Variants in PARVA observed in about 807,000 individuals in gnomAD.
PARVA encodes parvin alpha.
Under a neutral mutation model 52.6 loss-of-function variants are expected in PARVA, and 25 were observed. That is an observed-to-expected ratio of 0.48 (90% confidence interval 0.35 to 0.66). The LOEUF is 0.66. Among genes scored for constraint, PARVA ranks in the 30% least tolerant of loss-of-function variants. PARVA has a pLI of 0.01. For synonymous variants in PARVA, 185 were observed against 179.1 expected, an observed-to-expected ratio of 1.03 and a Z score of -0.26; for missense variants, 373 against 450.9, an observed-to-expected ratio of 0.83 and a Z score of 1.56.
At chr11:12,391,292 T>C (rs1013624915) in intron 1 of PARVA, among the ~76,000 whole-genome samples, 1 of 152,128 alleles carries the variant, frequency 6.6e-6, no homozygotes, top group Non-Finnish European at 1.5e-5. Flanking sequence ...ATTGCTTAAA[T>C]TGGTGTTGGA....
chr11:12,448,492 G>C (rs1940577603), intron 1 of PARVA, among the ~76,000 whole-genome samples: 1 of 152,194 alleles, frequency 6.6e-6, no homozygotes, highest in Non-Finnish European at 1.5e-5. Flanking sequence ...AAGGGTGCTT[G>C]GCAATTCTCT....
chr11:12,388,303 C>T (rs1939608145), intron 1 of PARVA, among the ~76,000 whole-genome samples: 5 of 152,224 alleles, frequency 3.3e-5, no homozygotes, highest in Admixed American at 3.3e-4. Context: ...TCTGGTTCTA[C>T]TAGCATTTAA....
At chr11:12,510,627 C>G (rs184974752) in intron 7 of PARVA, among the ~76,000 whole-genome samples, 1 of 152,256 alleles carries the variant, frequency 6.6e-6, no homozygotes, top group African/African-American at 2.4e-5. Flanking sequence ...GGGGAGGCCT[C>G]AGAATCATGG....
In PARVA at chr11:12,412,800, T is replaced by C. The variant is rs75967742; in HGVS notation, c.136+35017T>C. 2.9e-3 allele frequency among the ~76,000 whole-genome samples: 447 copies of C among 152,364 alleles called. 3 individuals carry two copies. Among genetic ancestry groups the C allele is most frequent in the African/African-American group, 0.01 (424 of 41,590 alleles). On this transcript the variant is annotated intron_variant, in intron 1 of 12. Transcript: ENST00000334956. ...CTTTACTTCATTCAGACTTCCTAAT[T>C]TCCCTTTCCACGCCAGTGTTAATAG...
chr11:12,508,386 T>C (rs1291032892), intron 6 of PARVA, among the ~76,000 whole-genome samples, 198 bp from the exon 7 acceptor site: 2 of 152,228 alleles, frequency 1.3e-5, no homozygotes, highest in Non-Finnish European at 2.9e-5. Flanking sequence ...AAACACTAAT[T>C]GCACTTGCGT....
chr11:12,424,161 C>T (rs1012477025), intron 1 of PARVA, among the ~76,000 whole-genome samples: 1 of 151,864 alleles, frequency 6.6e-6, no homozygotes, highest in East Asian at 1.9e-4. Context: ...AGATATTTAT[C>T]TAGATATATA....
At chr11:12,511,480 G>A (rs746117129) in intron 7 of PARVA, 34 bp from the exon 8 acceptor site, 1 of 1,608,528 alleles carries the variant, frequency 6.2e-7, no homozygotes, top group Non-Finnish European at 8.5e-7. Context: ...GACAAGAGAA[G>A]AGTCACACTA....
chr11:12,525,029 G>T (rs1029734866), intron 12 of PARVA, among the ~76,000 whole-genome samples: 1 of 152,188 alleles, frequency 6.6e-6, no homozygotes, highest in Non-Finnish European at 1.5e-5. Context: ...TGGGAAGAGT[G>T]ATCTAGATGT....
chr11:12,520,906 C>A (rs1564870111), intron 12 of PARVA, among the ~76,000 whole-genome samples: 1 of 152,152 alleles, frequency 6.6e-6, no homozygotes, highest in African/African-American at 2.4e-5. Flanking sequence ...CACTGCACTC[C>A]AGCCTGGGCA....
intron 5 of PARVA, among the ~76,000 whole-genome samples, chr11:12,501,229 G>T (rs1243997523): frequency 6.6e-6 from 1 of 151,632 alleles, no homozygotes; most frequent in Non-Finnish European, 1.5e-5. Context: ...ACATACATAT[G>T]TATATGCTTT....
intron 1 of PARVA, among the ~76,000 whole-genome samples, chr11:12,381,462 A>T (rs542819919): frequency 1.9e-4 from 29 of 152,262 alleles, no homozygotes; most frequent in African/African-American, 7.0e-4. Flanking sequence ...GGTACCTGCT[A>T]TGTCCCACTG....
intron 12 of PARVA, among the ~76,000 whole-genome samples, chr11:12,522,231 A>C (rs1941645812): frequency 6.6e-6 from 1 of 152,180 alleles, no homozygotes; most frequent in Admixed American, 6.5e-5. Flanking sequence ...ATGGATTATA[A>C]TACAACCATG....
intron 12 of PARVA, among the ~76,000 whole-genome samples, chr11:12,522,630 G>GCTGGTCTTGAACTC (rs747031129): frequency 2.0e-5 from 3 of 151,934 alleles, no homozygotes; most frequent in South Asian, 2.1e-4. Flanking sequence ...TGTTGGCCAG[G>GCTGGTCTTGAACTC]CTGGTCTTGA....
At chr11:12,386,437 A>C (rs943360093) in intron 1 of PARVA, among the ~76,000 whole-genome samples, 3 of 152,204 alleles carry the variant, frequency 2.0e-5, no homozygotes, top group Admixed American at 6.5e-5. Flanking sequence ...CCTCTTCTGC[A>C]TGAAGCCTTC....
At chr11:12,502,337 C>G (rs1436097847) in intron 5 of PARVA, among the ~76,000 whole-genome samples, 1 of 152,156 alleles carries the variant, frequency 6.6e-6, no homozygotes, top group East Asian at 1.9e-4. Flanking sequence ...CTAAATCAGA[C>G]TCACTGATCC....
chr11:12,399,095 T>C (rs1413720496), intron 1 of PARVA, among the ~76,000 whole-genome samples: 1 of 152,220 alleles, frequency 6.6e-6, no homozygotes, highest in Non-Finnish European at 1.5e-5. Context: ...CAAACCAAGA[T>C]TGTCGGTTCC....
intron 1 of PARVA, among the ~76,000 whole-genome samples, chr11:12,378,283 C>G (rs1939434238): frequency 6.6e-6 from 1 of 152,208 alleles, no homozygotes; most frequent in African/African-American, 2.4e-5. Flanking sequence ...TGCTGACGTC[C>G]TCTGGCAGCG....
At chr11:12,407,269 C>G (rs894313211) in intron 1 of PARVA, among the ~76,000 whole-genome samples, 2 of 152,080 alleles carry the variant, frequency 1.3e-5, no homozygotes, top group East Asian at 3.9e-4. Flanking sequence ...AGGCTGGAAC[C>G]ATCTTTTTTA....
intron 5 of PARVA, 122 bp downstream of exon 5, chr11:12,496,720 C>T (rs1438374168): frequency 2.1e-6 from 2 of 931,606 alleles, no homozygotes; most frequent in Non-Finnish European, 3.2e-6. Context: ...ACTCATTTAT[C>T]TTTGAACAAG....
Sources: allele counts gnomAD v4.1 joint callset (sites outside exome capture counted in the v4.1 genomes callset), GRCh38; gene constraint gnomAD v4.1.1; transcripts MANE v1.5; gene names NCBI Gene and HGNC (gene_info 2026-07-23, HGNC 2026-07-21).